Variants in GPHN observed in about 807,000 individuals in gnomAD.
The protein encoded by GPHN is gephyrin.
GPHN carries 17 observed loss-of-function variants against 95.5 expected under a neutral mutation model. The observed-to-expected ratio is 0.18, with a 90% confidence interval of 0.12 to 0.27. The LOEUF (loss-of-function observed/expected upper bound fraction) is 0.27, where lower values mean the gene tolerates loss of function less well. GPHN is among the 10% of genes least tolerant of loss of function. The pLI is 1.00. For synonymous variants in GPHN, 320 were observed against 322.5 expected (o/e 0.99, Z 0.08); for missense variants, 660 against 978.1 (o/e 0.67, Z 4.34).
intron 8 of GPHN, among the ~76,000 whole-genome samples, chr14:66,956,788 A>G (rs2068538026): frequency 6.6e-6 from 1 of 152,182 alleles, no homozygotes; most frequent in African/African-American, 2.4e-5. Flanking sequence ...GCAGCCATAA[A>G]AAATGATGAG....
chr14:67,267,158 T>A, the GPHN span, among the ~76,000 whole-genome samples: 3 of 152,302 alleles, frequency 2.0e-5, no homozygotes, highest in African/African-American at 7.2e-5. Context: ...TGAGATATAA[T>A]TTACATGCAA....
the GPHN span, among the ~76,000 whole-genome samples, chr14:67,259,765 A>G: frequency 6.6e-6 from 1 of 152,022 alleles, no homozygotes; most frequent in African/African-American, 2.4e-5. Flanking sequence ...AAATAAAATT[A>G]GCCAGGCATG....
the GPHN span, chr14:67,350,517 C>T: frequency 1.9e-5 from 21 of 1,082,190 alleles, no homozygotes; most frequent in South Asian, 4.3e-5. Context: ...TTGTCCTTAA[C>T]GCTTATTTCT....
chr14:67,572,274 C>A, the GPHN span: 1 of 1,582,748 alleles, frequency 6.3e-7, no homozygotes, highest in South Asian at 1.1e-5. Context: ...TGGGCCTGGG[C>A]GGGGTGAGCC....
the GPHN span, chr14:67,592,394 T>A: frequency 2.0e-6 from 1 of 489,046 alleles, no homozygotes; most frequent in Non-Finnish European, 3.7e-6. Flanking sequence ...GAGTGGTGAT[T>A]GTCACTGCAC....
the GPHN span, chr14:67,656,293 A>C: frequency 1.1e-6 from 1 of 946,968 alleles, no homozygotes; most frequent in Non-Finnish European, 1.4e-6. Flanking sequence ...AAGCATAAGA[A>C]CTTAAAAAAG....
intron 4 of GPHN, among the ~76,000 whole-genome samples, chr14:66,828,675 G>A (rs1350802512): frequency 6.6e-6 from 1 of 151,702 alleles, no homozygotes; most frequent in East Asian, 1.9e-4. Context: ...AAAAATGAAG[G>A]ATGAAAATGA....
chr14:67,301,276 C>T, the GPHN span: 1 of 509,370 alleles, frequency 2.0e-6, no homozygotes, highest in Non-Finnish European at 3.4e-6. Context: ...GATTTTATTT[C>T]TTACAAGTAT....
the GPHN span, among the ~76,000 whole-genome samples, chr14:67,266,247 A>T: frequency 0.22 from 32,767 of 152,114 alleles, 5,398 homozygotes; most frequent in East Asian, 0.49. Flanking sequence ...TAGTTAGATC[A>T]TGGGGACTTT....
At chr14:67,296,018 G>C in the GPHN span, among the ~76,000 whole-genome samples, 46 of 152,260 alleles carry the variant, frequency 3.0e-4, 1 homozygote, top group Middle Eastern at 6.8e-3. Flanking sequence ...AACAATTACA[G>C]TCTAATGAGA....
intron 2 of GPHN, among the ~76,000 whole-genome samples, chr14:66,718,441 G>A (rs947791472): frequency 6.6e-6 from 1 of 152,180 alleles, no homozygotes; most frequent in Non-Finnish European, 1.5e-5. Flanking sequence ...CATAAAGGTA[G>A]TGCGGACCCA....
At chr14:67,356,428 CA>C in the GPHN span, among the ~76,000 whole-genome samples, 14 of 113,460 alleles carry the variant, frequency 1.2e-4, no homozygotes, top group African/African-American at 6.7e-4. Flanking sequence ...CTCAAAAAAA[CA>C]AAAACAAAAA....
At chr14:67,559,575 TG>T in the GPHN span, 1 of 1,453,410 alleles carries the variant, frequency 6.9e-7, no homozygotes, top group Non-Finnish European at 9.5e-7. Flanking sequence ...TGGTGATTGT[TG>T]GGATTAACGG....
At chr14:67,330,455 ATTTT>A in the GPHN span, among the ~76,000 whole-genome samples, 175 of 117,772 alleles carry the variant, frequency 1.5e-3, 3 homozygotes, top group South Asian at 0.039. Flanking sequence ...ATTTCCCTTC[ATTTT>A]TTTTTTTTTT....
chr14:66,977,633 C>G (rs1279055656), intron 9 of GPHN, among the ~76,000 whole-genome samples: 2 of 151,826 alleles, frequency 1.3e-5, no homozygotes, highest in Non-Finnish European at 2.9e-5. Flanking sequence ...ATTCTATAAC[C>G]TTAAAAATCA....
the GPHN span, among the ~76,000 whole-genome samples, chr14:67,319,952 A>C: frequency 6.6e-6 from 1 of 152,238 alleles, no homozygotes; most frequent in Non-Finnish European, 1.5e-5. Context: ...CCTTATTCAA[A>C]GTATTGACTG....
intron 11 of GPHN, among the ~76,000 whole-genome samples, chr14:67,080,622 T>C (rs1038951927): frequency 2.0e-5 from 3 of 152,156 alleles, no homozygotes; most frequent in African/African-American, 7.2e-5. Flanking sequence ...ATTATTAATT[T>C]CCATAGGTTA....
chr14:66,666,166 G>A (rs937410392), intron 1 of GPHN, among the ~76,000 whole-genome samples: 5 of 151,596 alleles, frequency 3.3e-5, no homozygotes, highest in Non-Finnish European at 4.4e-5. Context: ...CGAGTTAATG[G>A]GTGCAGCACA....
the GPHN span, among the ~76,000 whole-genome samples, chr14:67,445,577 C>CTTTTTTT: frequency 1.9e-3 from 115 of 59,928 alleles, 13 homozygotes; most frequent in Middle Eastern, 0.016. Flanking sequence ...AGAGGCAATT[C>CTTTTTTT]TTTTTTTTTT....
Sources: allele counts gnomAD v4.1 joint callset (sites outside exome capture counted in the v4.1 genomes callset), GRCh38; gene constraint gnomAD v4.1.1; transcripts MANE v1.5; gene names NCBI Gene and HGNC (gene_info 2026-07-23, HGNC 2026-07-21).